ATP1A4: variants seen among roughly 807,000 people sequenced by gnomAD.
ATP1A4 encodes the protein sodium/potassium-transporting ATPase subunit alpha-4.
In ATP1A4, 90 loss-of-function variants were observed where a neutral mutation model predicts 114.3. The ratio of observed to expected loss-of-function variants is 0.79; its 90% confidence interval spans 0.66 to 0.94. The LOEUF is 0.94. ATP1A4 is among the 40% of genes least tolerant of loss of function. The probability of loss-of-function intolerance (pLI) is 0.00; values close to 1 mark genes in which losing one functional copy is unlikely to be tolerated. For missense variants in ATP1A4, 1,222 were observed against 1,313.6 expected (o/e 0.93, Z 1.08); for synonymous variants, 511 against 494.1 (o/e 1.03, Z -0.45).
intron 7 of ATP1A4, 116 bp from the exon 8 acceptor site, chr1:160,166,412 A>C: frequency 7.5e-7 from 1 of 1,331,782 alleles, no homozygotes; most frequent in Non-Finnish European, 1.0e-6. Flanking sequence ...TGGGAACAAA[A>C]GGGAAGTAAG....
Position 160,186,284 on chromosome 1 carries a change from G to C in ATP1A4, c.2978G>C (p.Trp993Ser). 6.2e-7 allele frequency: 1 copy of C among 1,611,852 alleles called. No individual in the cohort carries two copies. The highest frequency in any genetic ancestry group is 8.5e-7 in the Non-Finnish European group (1 of 1,178,768). The change falls in exon 21 of 22, where the codon TGG (tryptophan) becomes TCG (serine). Residue 993 changes from tryptophan (W) to serine (S), a missense_variant. Coordinates refer to ENST00000368081, the MANE Select transcript of ATP1A4 (RefSeq NM_144699.4). ...GCTCTTGCTCTCTACAGGATAACCT[G>C]GTGGCTCTGTGCCATTCCCTACAGT... ...ALRMYPLKITWWLCAIPYSIL... is the reference protein window; with the variant it reads ...ALRMYPLKITSWLCAIPYSIL...
At chr1:160,184,459 A>T (rs1653813616) in intron 20 of ATP1A4, among the ~76,000 whole-genome samples, 1 of 152,036 alleles carries the variant, frequency 6.6e-6, no homozygotes, top group African/African-American at 2.4e-5. Flanking sequence ...AGGCAGTAGG[A>T]TTGCTTGAGC....
In ATP1A4 at chr1:160,176,391, C is replaced by T. The variant is rs376640007; in HGVS notation, c.2467-88C>T. The T allele has an allele frequency of 1.1e-5, 18 of 1,598,960 alleles. No homozygotes were observed. In the East Asian group the frequency reaches 2.2e-4, roughly 20 times the overall value. Reference sequence around the variant, plus strand: ...CCTCCTGCAAGATGGATTGAGGCTGCGTCAAGACAGAATGGTAGAGCTTGA... The same window carrying T: ...CCTCCTGCAAGATGGATTGAGGCTGTGTCAAGACAGAATGGTAGAGCTTGA... On this transcript the variant is annotated intron_variant, in intron 16 of 21. Coordinates refer to ENST00000368081, the MANE Select transcript of ATP1A4 (RefSeq NM_144699.4).
intron 4 of ATP1A4, 48 bp from the exon 5 acceptor site, chr1:160,158,954 G>A (rs375112836): frequency 8.0e-5 from 127 of 1,588,908 alleles, no homozygotes; most frequent in Non-Finnish European, 1.0e-4. Context: ...AGAGTGGGAT[G>A]AGGAAAGCCA....
intron 18 of ATP1A4, among the ~76,000 whole-genome samples, chr1:160,180,332 TCCTA>T (rs1052294337): frequency 1.1e-4 from 16 of 152,144 alleles, no homozygotes; most frequent in African/African-American, 3.4e-4. Context: ...TATTGTGCGG[TCCTA>T]CCTGTTTTCA....
At position 160,164,086 on chromosome 1, in the gene ATP1A4, G is replaced by T. The variant is rs985758205; in HGVS notation, c.779-70G>T. Reference sequence around the variant, plus strand: ...TAGAAGCTCTATGTCAGGAAGTGGGGGCAGAGACCAATATCTATACTTCTT... The same window carrying T: ...TAGAAGCTCTATGTCAGGAAGTGGGTGCAGAGACCAATATCTATACTTCTT... On this transcript the variant is annotated intron_variant, in intron 6 of 21. Coordinates refer to ENST00000368081, the MANE Select transcript of ATP1A4 (RefSeq NM_144699.4). The T allele has an allele frequency of 1.4e-5, 22 of 1,552,372 alleles. No individual in the cohort carries two copies. The African/African-American group carries it at 3.0e-4, about 21-fold the overall frequency.
chr1:160,172,981 A>G (rs958019368), intron 12 of ATP1A4, among the ~76,000 whole-genome samples: 5 of 152,254 alleles, frequency 3.3e-5, no homozygotes, highest in African/African-American at 1.2e-4. Flanking sequence ...GAAGAGAGAT[A>G]AACAGGCAAT....
rs774769610 is a variant in ATP1A4, at chr1:160,177,510, C to T, written c.2591-9C>T. On this transcript the variant is annotated splice_polypyrimidine_tract_variant and intron_variant, in intron 17 of 21. Transcript: ENST00000368081. ...AGGCTCCCCTGTCCTGCAACTCTGT[C>T]ATTCACAGGGATGATCCAGGCTCTG... is the stretch of plus-strand genomic sequence containing the variant. 6.2e-7 allele frequency: 1 copy of T among 1,613,624 alleles called. No individual in the cohort carries two copies. The highest frequency in any genetic ancestry group is 2.2e-5 in the East Asian group (1 of 44,884).
At chr1:160,184,006 G>A (rs1435472707) in intron 20 of ATP1A4, among the ~76,000 whole-genome samples, 1 of 147,528 alleles carries the variant, frequency 6.8e-6, no homozygotes, top group Non-Finnish European at 1.5e-5. Flanking sequence ...AGGCTGGAGT[G>A]CAGTAGCGCA....
chr1:160,153,891 C>A (rs1468468109), intron 2 of ATP1A4, among the ~76,000 whole-genome samples: 1 of 152,054 alleles, frequency 6.6e-6, no homozygotes. Context: ...ACCTTGTGGA[C>A]CCCCTGAAAG....
intron 5 of ATP1A4, 133 bp downstream of exon 5, chr1:160,159,269 G>A: frequency 7.2e-7 from 1 of 1,390,506 alleles, no homozygotes; most frequent in Non-Finnish European, 9.9e-7. Flanking sequence ...TTTGATGTTA[G>A]AGACAACAGA....
At chr1:160,167,117 G>C (rs1042045247) in intron 9 of ATP1A4, 40 bp downstream of exon 9, 4 of 1,597,188 alleles carry the variant, frequency 2.5e-6, no homozygotes, top group Non-Finnish European at 3.4e-6. Context: ...CAGTGTCCAG[G>C]GTGTAACCTG....
Position 160,159,509 on chromosome 1 carries a change from C to CCACCAACTTCCA in ATP1A4, c.769_770insTCCACACCAACT (p.Asn256_Cys257insPheHisThrAsn), listed in dbSNP as rs747065051. 8 of 1,613,284 alleles carry CCACCAACTTCCA rather than the reference C, an allele frequency of 5.0e-6. No homozygotes were observed. The highest frequency in any genetic ancestry group is 6.8e-6 in the Non-Finnish European group (8 of 1,179,686). ...GAGACCCGAAACATCTGCTTCTTTT[C>CCACCAACTTCCA]CACCAACTGTGTGGAAGGTGAATAT... On this transcript the variant is annotated inframe_insertion, in exon 6 of 22. Coordinates refer to ENST00000368081, the MANE Select transcript of ATP1A4 (RefSeq NM_144699.4).
chr1:160,166,536 G>A lies in ATP1A4; in HGVS notation c.1056G>A (p.Leu352=). 1 of 1,614,244 alleles carries A rather than the reference G, an allele frequency of 6.2e-7. No individual in the cohort carries two copies. The highest frequency in any genetic ancestry group is 8.5e-7 in the Non-Finnish European group (1 of 1,180,044). ...TCTCTTCTTGGCTTTAGGTGTGCCT[G>A]ACCCTCACAGCCAAGCGCATGGCGC... ...EGLLATVTVC[L]TLTAKRMARK... is the part of the protein sequence containing the mutation. Residue 352 remains leucine (L), a synonymous_variant, in exon 8 of 22, where the codon CTG becomes CTA. Transcript: ENST00000368081.
In ATP1A4 at chr1:160,171,148, G is replaced by A. The variant is rs552734873; in HGVS notation, c.1492-103G>A. ...GAGGGGAGGGAACAAAAGAAATGGG[G>A]GTATGAAACACATTTTTTTACCTTT... On this transcript the variant is annotated intron_variant, in intron 10 of 21. Transcript: ENST00000368081. 32 of 1,059,530 alleles carry A rather than the reference G, an allele frequency of 3.0e-5. No individual in the cohort carries two copies. In the African/African-American group the frequency reaches 4.1e-4, roughly 14 times the overall value. The allele number at this position is 1,059,530 out of a possible 1,614,324, so 65.6% of individuals were successfully genotyped here.
At chr1:160,154,953 C>A (rs1652585889) in intron 2 of ATP1A4, 92 bp from the exon 3 acceptor site, 4 of 1,223,630 alleles carry the variant, frequency 3.3e-6, no homozygotes, top group Non-Finnish European at 4.8e-6. Context: ...GTCTCTAGAC[C>A]CATTCTGGGG....
intron 4 of ATP1A4, among the ~76,000 whole-genome samples, chr1:160,157,308 T>C (rs1211370120): frequency 6.6e-6 from 1 of 152,224 alleles, no homozygotes; most frequent in East Asian, 1.9e-4. Flanking sequence ...TAGTACCTGA[T>C]AGGTAGGTTT....
At chr1:160,172,197 T>C (rs1426408501) in intron 12 of ATP1A4, among the ~76,000 whole-genome samples, 1 of 152,210 alleles carries the variant, frequency 6.6e-6, no homozygotes, top group East Asian at 1.9e-4. Flanking sequence ...AGAGACTGCA[T>C]TTTTAACGAG....
At chr1:160,181,222 A>G (rs1336462322) in intron 18 of ATP1A4, among the ~76,000 whole-genome samples, 1 of 152,170 alleles carries the variant, frequency 6.6e-6, no homozygotes, top group African/African-American at 2.4e-5. Flanking sequence ...GAAAAGCGCT[A>G]AAACAGAGAC....
Sources: gnomAD v4.1 joint callset for allele counts (sites outside exome capture counted in the v4.1 genomes callset) on GRCh38, gnomAD v4.1.1 for gene constraint, MANE v1.5 for transcripts, NCBI Gene and HGNC (gene_info 2026-07-23, HGNC 2026-07-21) for gene names.